The following PARP6 variants were observed in gnomAD, a reference collection of about 807,000 sequenced individuals.
PARP6 encodes protein mono-ADP-ribosyltransferase PARP6.
Under a neutral mutation model 92.0 loss-of-function variants are expected in PARP6, and 27 were observed. The observed-to-expected ratio is 0.29, with a 90% CI of 0.22 to 0.40. PARP6 has a LOEUF of 0.40. PARP6 is among the 10% of genes least tolerant of loss of function. The probability of loss-of-function intolerance (pLI) is 1.00; values close to 1 mark genes in which losing one functional copy is unlikely to be tolerated. For missense variants in PARP6, 501 were observed against 784.5 expected, an observed-to-expected ratio of 0.64 and a Z score of 4.32; for synonymous variants, 272 against 281.2, an observed-to-expected ratio of 0.97 and a Z score of 0.33.
At position 72,242,674 on chromosome 15, in the gene PARP6, C is replaced by A. The variant is rs376956555; in HGVS notation, c.1587G>T (p.Met529Ile). Residue 529 changes from methionine (M) to isoleucine (I), a missense_variant, in exon 21 of 24, where the codon ATG becomes ATT. By Grantham distance (10) the Met-to-Ile change is conservative. Coordinates refer to ENST00000569795, the MANE Select transcript of PARP6 (RefSeq NM_001323532.2). The surrounding 1 kb of genome is among the most constrained non-coding windows in gnomAD (Gnocchi z 4.3). ...YSGMGKGQHRMPSKDELVQRY... is the reference protein window; with the variant it reads ...YSGMGKGQHRIPSKDELVQRY... ...TCTGGACCAGCTCATCCTTGGAGGGCATCCTGTGCTGTCCTTTTCCCATTC... is the reference window on the plus strand; with the variant it reads ...TCTGGACCAGCTCATCCTTGGAGGGAATCCTGTGCTGTCCTTTTCCCATTC... The A allele has an allele frequency of 9.9e-6, 16 of 1,611,392 alleles. No individual in the cohort carries two copies. The highest frequency in any genetic ancestry group is 1.4e-5 in the Non-Finnish European group (16 of 1,178,442).
chr15:72,266,980 G>A (rs1399881711), intron 3 of PARP6, 158 bp from the exon 4 acceptor site: 14 of 626,438 alleles, frequency 2.2e-5, no homozygotes, highest in Middle Eastern at 3.5e-4. Context: ...CACCCTTTGT[G>A]AGAGTCTCAG....
intron 20 of PARP6, among the ~76,000 whole-genome samples, chr15:72,246,128 C>T (rs928022555): frequency 1.3e-5 from 2 of 152,118 alleles, no homozygotes; most frequent in South Asian, 4.1e-4. Flanking sequence ...TAATCATAAT[C>T]TTTGTTTCAT....
chr15:72,253,422 C>A lies in PARP6; in HGVS notation c.1259+15G>T, dbSNP rs1226045500. Reference sequence around the variant, plus strand: ...CTCCCCATAACCCAAGAAGGATGAGCCATTCTATCCATACCACTGCAGGAG... The same window carrying A: ...CTCCCCATAACCCAAGAAGGATGAGACATTCTATCCATACCACTGCAGGAG... On this transcript the variant is annotated intron_variant, in intron 16 of 23. Transcript: ENST00000569795. 3 of 1,602,730 alleles carry A rather than the reference C, an allele frequency of 1.9e-6. No individual in the cohort carries two copies. Among genetic ancestry groups the A allele is most frequent in the Non-Finnish European group, 2.6e-6 (3 of 1,169,750 alleles).
chr15:72,259,989 G>A (rs1252790540), intron 10 of PARP6, among the ~76,000 whole-genome samples: 2 of 152,218 alleles, frequency 1.3e-5, no homozygotes, highest in African/African-American at 4.8e-5. Flanking sequence ...TATCAGAGAA[G>A]CTCGCTAGAC....
intron 3 of PARP6, chr15:72,267,108 T>C (rs556571138): frequency 3.9e-6 from 2 of 510,886 alleles, no homozygotes; most frequent in South Asian, 2.5e-5. Context: ...TGGTAGCCAG[T>C]AGGAAAGAAA....
intron 16 of PARP6, among the ~76,000 whole-genome samples, chr15:72,251,538 T>C (rs1596988942): frequency 6.9e-6 from 1 of 144,714 alleles, no homozygotes; most frequent in South Asian, 2.2e-4. Context: ...CTGCTACAAG[T>C]AGGGAGTAAA....
Position 72,242,675 on chromosome 15 carries a change from A to G in PARP6, c.1586T>C (p.Met529Thr). Residue 529 changes from methionine (M) to threonine (T), a missense_variant, in exon 21 of 24, where the codon ATG becomes ACG. By Grantham distance (81) the Met-to-Thr change is moderately conservative. Transcript: ENST00000569795. The surrounding 1 kb of genome is among the most constrained non-coding windows in gnomAD (Gnocchi z 4.3). ...CTGGACCAGCTCATCCTTGGAGGGCATCCTGTGCTGTCCTTTTCCCATTCC... is the reference window on the plus strand; with the variant it reads ...CTGGACCAGCTCATCCTTGGAGGGCGTCCTGTGCTGTCCTTTTCCCATTCC... ...YSGMGKGQHR[M>T]PSKDELVQRY... 1 of 1,611,740 alleles carries G rather than the reference A, an allele frequency of 6.2e-7. No individual in the cohort carries two copies. Among genetic ancestry groups the G allele is most frequent in the Non-Finnish European group, 8.5e-7 (1 of 1,178,564 alleles).
At position 72,241,617 on chromosome 15, in the gene PARP6, T is replaced by A; in HGVS notation, c.1791-60A>T. 7.9e-7 allele frequency: 1 copy of A among 1,271,312 alleles called. No individual in the cohort carries two copies. The allele number at this position is 1,271,312 out of a possible 1,614,324, so 78.8% of individuals were successfully genotyped here. ...GAGAACAATACCAGAATAACATCAA[T>A]CAGTGGAACTGTATTTCAAGGTATG... is the stretch of plus-strand genomic sequence containing the variant. On this transcript the variant is annotated intron_variant, in intron 23 of 23. Coordinates refer to ENST00000569795, the MANE Select transcript of PARP6 (RefSeq NM_001323532.2). The surrounding 1 kb of genome is among the most constrained non-coding windows in gnomAD (Gnocchi z 4.1).
chr15:72,263,129 C>T (rs1464701338), intron 8 of PARP6, among the ~76,000 whole-genome samples: 1 of 152,224 alleles, frequency 6.6e-6, no homozygotes, highest in African/African-American at 2.4e-5. Context: ...CATCATCCTA[C>T]AAACCTGCTC....
chr15:72,253,908 A>C, intron 15 of PARP6: 1 of 433,730 alleles, frequency 2.3e-6, no homozygotes. Context: ...TTATGTGTAA[A>C]TCTCAACTGT....
At position 72,241,438 on chromosome 15, in the gene PARP6, C is replaced by G; in HGVS notation, c.*17G>C. ...GGATCCTGGGGTAACAGGGGTGGTA[C>G]GAGGGCTGGGGCCCCCTCAGTTTGT... On this transcript the variant is annotated 3_prime_UTR_variant, in exon 24 of 24. Transcript: ENST00000569795. This position sits in a 1 kb window ranked among gnomAD's most constrained non-coding sequence, Gnocchi z 4.1. 6.3e-7 allele frequency: 1 copy of G among 1,577,630 alleles called. No homozygotes were observed. Among genetic ancestry groups the G allele is most frequent in the Non-Finnish European group, 8.7e-7 (1 of 1,146,944 alleles).
At position 72,242,347 on chromosome 15, in the gene PARP6, G is replaced by A. The variant is rs1378431042; in HGVS notation, c.1642-127C>T. ...TCCTGGGCTCCCAGCAACACCCCTC[G>A]CCGCCCAGAAAATTCTTCTTTCCCA... On this transcript the variant is annotated intron_variant, in intron 21 of 23. Transcript: ENST00000569795. The surrounding 1 kb of genome is among the most constrained non-coding windows in gnomAD (Gnocchi z 4.3). The A allele has an allele frequency of 3.2e-5, 23 of 727,540 alleles. No individual in the cohort carries two copies. Among genetic ancestry groups the A allele is most frequent in the South Asian group, 9.9e-5 (6 of 60,804 alleles). 45.1% of individuals were successfully genotyped at this position (727,540 alleles called of 1,614,324 possible).
chr15:72,257,870 A>G (rs1335918654), intron 12 of PARP6, among the ~76,000 whole-genome samples, 167 bp downstream of exon 12: 2 of 152,206 alleles, frequency 1.3e-5, no homozygotes, highest in African/African-American at 2.4e-5. Context: ...TCATCTCTCT[A>G]AACAGTACTG....
intron 15 of PARP6, 81 bp downstream of exon 15, chr15:72,254,374 C>G (rs1043795508): frequency 3.1e-6 from 3 of 977,260 alleles, no homozygotes; most frequent in Non-Finnish European, 4.9e-6. Context: ...AAATCTTCAT[C>G]CCACTCCCAC....
chr15:72,261,843 A>G, intron 8 of PARP6, 136 bp from the exon 9 acceptor site: 1 of 792,824 alleles, frequency 1.3e-6, no homozygotes, highest in Non-Finnish European at 2.1e-6. Context: ...GTATCTGAAG[A>G]CCCCTTTAAA....
In PARP6 at chr15:72,265,445, T is replaced by C; in HGVS notation, c.205A>G (p.Ile69Val). 2 of 1,613,786 alleles carry C rather than the reference T, an allele frequency of 1.2e-6. No homozygotes were observed. The highest frequency in any genetic ancestry group is 1.7e-6 in the Non-Finnish European group (2 of 1,179,652). The part of the protein sequence containing the change: ...REYGTIDDVD[I>V]DLHINISFLD... ...AAGCTGATGTTGATGTGGAGGTCAA[T>C]GTCCACGTCATCGATAGTTCCATAT... is the stretch of plus-strand genomic sequence containing the variant. Residue 69 changes from isoleucine (I) to valine (V), a missense_variant, in exon 6 of 24, where the codon ATT (isoleucine) becomes GTT (valine). Ile to Val is a conservative substitution (Grantham distance 29). Transcript: ENST00000569795.
chr15:72,249,756 A>G (rs2084090771), intron 19 of PARP6, among the ~76,000 whole-genome samples: 2 of 152,254 alleles, frequency 1.3e-5, no homozygotes, highest in South Asian at 4.1e-4. Context: ...AATTCATCAC[A>G]GTGGCTACAA....
At chr15:72,253,816 T>C (rs2084691422) in intron 15 of PARP6, 1 of 515,398 alleles carries the variant, frequency 1.9e-6, no homozygotes, top group East Asian at 5.2e-5. Flanking sequence ...CCCAAGAAGA[T>C]TAGGCTAAGG....
Position 72,250,891 on chromosome 15 carries a change from G to A in PARP6, c.1372C>T (p.Arg458Trp), listed in dbSNP as rs1159534439. 9 of 1,564,218 alleles carry A rather than the reference G, an allele frequency of 5.8e-6. No homozygotes were observed. The highest frequency in any genetic ancestry group is 1.1e-5 in the South Asian group (1 of 90,212). ...LLSSPPAKEA[R>W]FRTAKKLYGS... ...TAGAGCTTCTTGGCGGTCCGGAACC[G>A]AGCCTCCTTGGCAGGAGGGCTGCTC... Residue 458 changes from arginine (R) to tryptophan (W), a missense_variant, in exon 18 of 24, where the codon CGG (arginine) becomes TGG (tryptophan). Transcript: ENST00000569795.
Sources: gnomAD v4.1 joint callset for allele counts (sites outside exome capture counted in the v4.1 genomes callset) on GRCh38, gnomAD v4.1.1 for gene constraint, Gnocchi (gnomAD v3.1) non-coding constraint, MANE v1.5 for transcripts, NCBI Gene and HGNC (gene_info 2026-07-23, HGNC 2026-07-21) for gene names.